The following FRMPD4 variants were observed in gnomAD, a reference collection of about 807,000 sequenced individuals.
FRMPD4 encodes FERM and PDZ domain-containing protein 4.
A neutral mutation model predicts 94.1 loss-of-function variants in FRMPD4; 22 were observed. That is an observed-to-expected ratio of 0.23 (90% CI 0.17 to 0.33). FRMPD4 has a LOEUF of 0.33. Among genes scored for constraint, FRMPD4 ranks in the 10% least tolerant of loss-of-function variants. FRMPD4 has a pLI of 1.00. For synonymous variants in FRMPD4, 631 were observed against 548.6 expected, an observed-to-expected ratio of 1.15 and a Z score of -2.10; for missense variants, 1,111 against 1,339.9, an observed-to-expected ratio of 0.83 and a Z score of 2.67.
chrX:12,561,559 A>G (rs1159095540), intron 2 of FRMPD4, among the ~76,000 whole-genome samples: 7 of 112,228 alleles, frequency 6.2e-5, no homozygotes, highest in African/African-American at 2.3e-4. Context: ...TTTTAAAACT[A>G]CCCTTCATTC....
At chrX:12,231,140 G>C (rs1280835749) in intron 1 of FRMPD4, among the ~76,000 whole-genome samples, 3 of 88,981 alleles carry the variant, frequency 3.4e-5, no homozygotes, top group Non-Finnish European at 6.5e-5. Context: ...GACTCGACCT[G>C]CCGGGCCCAA....
At chrX:11,979,558 G>A (rs749345637) in intron 3 of FRMPD4, among the ~76,000 whole-genome samples, 10 of 111,869 alleles carry the variant, frequency 8.9e-5, no homozygotes, top group African/African-American at 3.2e-4. Context: ...ATTTTTAATT[G>A]TTGCCAATTT....
intron 1 of FRMPD4, among the ~76,000 whole-genome samples, chrX:12,474,953 C>T (rs1455457383): frequency 2.7e-5 from 3 of 111,953 alleles, no homozygotes; most frequent in African/African-American, 6.5e-5. Flanking sequence ...TCCTCCCTAA[C>T]TCATTTTATG....
intron 1 of FRMPD4, among the ~76,000 whole-genome samples, chrX:12,165,976 T>C (rs750955894): frequency 1.2e-3 from 134 of 111,804 alleles, no homozygotes; most frequent in African/African-American, 4.3e-3. Flanking sequence ...TTTCTAGATA[T>C]ACAATCATGT....
At chrX:12,388,580 G>C (rs764637461) in intron 1 of FRMPD4, among the ~76,000 whole-genome samples, 1 of 105,515 alleles carries the variant, frequency 9.5e-6, no homozygotes, top group Non-Finnish European at 1.9e-5. Context: ...ACTCCAGCCT[G>C]GGTGACAGTG....
At chrX:12,110,135 G>A (rs1007027703) in intron 3 of FRMPD4, among the ~76,000 whole-genome samples, 7 of 112,012 alleles carry the variant, frequency 6.2e-5, no homozygotes, top group Non-Finnish European at 1.1e-4. Flanking sequence ...ATTTTAGACT[G>A]ATATCCCTGA....
At chrX:12,505,230 T>G (rs2057968033) in intron 2 of FRMPD4, among the ~76,000 whole-genome samples, 2 of 111,747 alleles carry the variant, frequency 1.8e-5, no homozygotes, top group Non-Finnish European at 3.8e-5. Flanking sequence ...CTGGACCTCT[T>G]CTTTCTAGAT....
At chrX:12,174,484 G>C (rs758135959) in intron 1 of FRMPD4, among the ~76,000 whole-genome samples, 2 of 111,600 alleles carry the variant, frequency 1.8e-5, no homozygotes, top group Admixed American at 1.9e-4. Context: ...TTCCTTAATT[G>C]TTTGTTTTGT....
At chrX:12,205,812 T>C (rs761079705) in intron 1 of FRMPD4, among the ~76,000 whole-genome samples, 1 of 112,357 alleles carries the variant, frequency 8.9e-6, no homozygotes, top group Non-Finnish European at 1.9e-5. Flanking sequence ...GTGTAATGTA[T>C]TCAGCAAATA....
chrX:12,034,999 A>G (rs1389222822), intron 3 of FRMPD4, among the ~76,000 whole-genome samples: 1 of 112,134 alleles, frequency 8.9e-6, no homozygotes, highest in Admixed American at 9.4e-5. Flanking sequence ...CAGCAGAGAA[A>G]GCAGTCAGTC....
chrX:12,382,508 T>TAGAGCAG (rs200880212), intron 1 of FRMPD4, among the ~76,000 whole-genome samples: 2 of 73,512 alleles, frequency 2.7e-5, no homozygotes, highest in Non-Finnish European at 5.4e-5. Flanking sequence ...TAGCATAGCA[T>TAGAGCAG]AGCATAGCAT....
intron 3 of FRMPD4, among the ~76,000 whole-genome samples, chrX:11,945,449 G>T (rs1311447272): frequency 9.0e-6 from 1 of 111,639 alleles, no homozygotes; most frequent in Non-Finnish European, 1.9e-5. Flanking sequence ...TACCAAAAGA[G>T]ATCCTAAAGC....
chrX:12,379,642 C>CGTGTGT (rs55742933), intron 1 of FRMPD4, among the ~76,000 whole-genome samples: 7,876 of 89,864 alleles, frequency 0.088, 419 homozygotes, highest in East Asian at 0.21. Flanking sequence ...GATATGCTGC[C>CGTGTGT]GTGTGTGTGT....
intron 3 of FRMPD4, among the ~76,000 whole-genome samples, chrX:11,980,822 A>G (rs1192895252): frequency 9.0e-6 from 1 of 111,184 alleles, no homozygotes; most frequent in African/African-American, 3.3e-5. Context: ...TTTCTTTGAC[A>G]TATTGCTTAC....
chrX:12,208,943 C>T (rs1040254282), intron 1 of FRMPD4, among the ~76,000 whole-genome samples: 1 of 111,707 alleles, frequency 9.0e-6, no homozygotes, highest in South Asian at 3.7e-4. Context: ...GGGTGGTTTT[C>T]CTTATTTAGA....
intron 3 of FRMPD4, among the ~76,000 whole-genome samples, chrX:11,882,068 A>G (rs1165274079): frequency 1.8e-5 from 2 of 111,492 alleles, no homozygotes; most frequent in African/African-American, 3.3e-5. Flanking sequence ...ACCATTTTCT[A>G]TGTGTGCCAA....
chrX:12,283,098 G>A (rs1255753748), intron 1 of FRMPD4, among the ~76,000 whole-genome samples: 1 of 112,620 alleles, frequency 8.9e-6, no homozygotes, highest in African/African-American at 3.2e-5. Context: ...CATTGGCTTT[G>A]TGGTTTCCCA....
At chrX:12,077,201 T>C (rs1323598544) in intron 3 of FRMPD4, among the ~76,000 whole-genome samples, 1 of 112,557 alleles carries the variant, frequency 8.9e-6, no homozygotes, top group Admixed American at 9.4e-5. Flanking sequence ...ATCGCAAATT[T>C]ACTGTTTCCA....
At chrX:11,911,817 G>A (rs1214760660) in intron 3 of FRMPD4, among the ~76,000 whole-genome samples, 1 of 112,108 alleles carries the variant, frequency 8.9e-6, no homozygotes, top group Non-Finnish European at 1.9e-5. Flanking sequence ...AATTGCTGTT[G>A]AGCCAGAAGA....
Sources: gnomAD v4.1 joint callset for allele counts (sites outside exome capture counted in the v4.1 genomes callset) on GRCh38, gnomAD v4.1.1 for gene constraint, MANE v1.5 for transcripts, NCBI Gene and HGNC (gene_info 2026-07-23, HGNC 2026-07-21) for gene names.